The following DNAH11 variants were observed in gnomAD, a reference collection of about 807,000 sequenced individuals.
DNAH11 encodes the protein dynein axonemal heavy chain 11, also known as axonemal beta dynein heavy chain 11.
DNAH11 carries 442 observed loss-of-function variants against 526.0 expected under a neutral mutation model. The ratio of observed to expected loss-of-function variants is 0.84; its 90% CI spans 0.78 to 0.91. The LOEUF is 0.91. Ranked by LOEUF, DNAH11 falls within the 40% of genes least tolerant of loss-of-function variation. The pLI is 0.00. For synonymous variants in DNAH11, 2,461 were observed against 1,935.9 expected, an observed-to-expected ratio of 1.27 and a Z score of -7.12; for missense variants, 6,989 against 5,448.7, an observed-to-expected ratio of 1.28 and a Z score of -8.90.
At chr7:21,621,400 G>A (rs1786047826) in intron 25 of DNAH11, among the ~76,000 whole-genome samples, 1 of 152,084 alleles carries the variant, frequency 6.6e-6, no homozygotes, top group South Asian at 2.1e-4. Flanking sequence ...GGTACAAGGA[G>A]GAACTGGTAC....
At chr7:21,553,161 G>C (rs954660894) in intron 2 of DNAH11, among the ~76,000 whole-genome samples, 5 of 118,640 alleles carry the variant, frequency 4.2e-5, no homozygotes, top group Non-Finnish European at 6.7e-5. Flanking sequence ...CTCCCCTGTT[G>C]CCTTTTCTAA....
chr7:21,643,087 G>T (rs1787195580), intron 28 of DNAH11, among the ~76,000 whole-genome samples: 1 of 152,172 alleles, frequency 6.6e-6, no homozygotes, highest in African/African-American at 2.4e-5. Context: ...AAAACTTAAA[G>T]GTGTATTTGC....
intron 30 of DNAH11, among the ~76,000 whole-genome samples, chr7:21,668,799 G>A (rs1193649656): frequency 2.6e-5 from 4 of 152,114 alleles, no homozygotes; most frequent in African/African-American, 9.7e-5. Flanking sequence ...AAACATTACT[G>A]GATTAAGTCT....
intron 27 of DNAH11, among the ~76,000 whole-genome samples, chr7:21,638,136 A>T (rs1786955633): frequency 6.6e-6 from 1 of 152,188 alleles, no homozygotes; most frequent in South Asian, 2.1e-4. Flanking sequence ...CCCAAGGGCC[A>T]TTTGTAAAGT....
chr7:21,629,810 C>T (rs1786518765), intron 25 of DNAH11, among the ~76,000 whole-genome samples: 1 of 151,886 alleles, frequency 6.6e-6, no homozygotes, highest in Non-Finnish European at 1.5e-5. Context: ...CTGTGTGTGT[C>T]TTTATAGGTG....
chr7:21,553,810 T>C (rs1783113436), intron 2 of DNAH11, among the ~76,000 whole-genome samples: 1 of 152,208 alleles, frequency 6.6e-6, no homozygotes, highest in Non-Finnish European at 1.5e-5. Context: ...ATGAGTTTCA[T>C]TTTTATTTAT....
intron 30 of DNAH11, among the ~76,000 whole-genome samples, chr7:21,662,628 ACTTT>A (rs926543112): frequency 5.9e-5 from 9 of 152,028 alleles, no homozygotes; most frequent in Non-Finnish European, 8.8e-5. Context: ...TTTAAAAGGT[ACTTT>A]CTTAGCACTT....
intron 68 of DNAH11, among the ~76,000 whole-genome samples, chr7:21,860,633 C>T (rs1184473269): frequency 2.0e-5 from 3 of 152,180 alleles, no homozygotes; most frequent in Admixed American, 2.0e-4. Flanking sequence ...ACAAATTTCT[C>T]ATACATGCTG....
At chr7:21,667,129 A>T (rs2128468163) in intron 30 of DNAH11, among the ~76,000 whole-genome samples, 1 of 152,244 alleles carries the variant, frequency 6.6e-6, no homozygotes, top group South Asian at 2.1e-4. Flanking sequence ...ATGGTTAGTG[A>T]TAAGGATTAA....
At chr7:21,728,554 C>G (rs558939710) in intron 45 of DNAH11, among the ~76,000 whole-genome samples, 3 of 152,086 alleles carry the variant, frequency 2.0e-5, no homozygotes, top group African/African-American at 7.2e-5. Context: ...CCGCCACGCC[C>G]GGCCTACCAA....
chr7:21,804,049 G>A lies in DNAH11; in HGVS notation c.10165+2774G>A, dbSNP rs1337114063. On this transcript the variant is annotated intron_variant, in intron 62 of 81. Transcript: ENST00000409508. ...ACGAGGGGGTACGTGTTTCGGGATG[G>A]CTAGGTGATAGCCTCATTTCTTGTA... Among the ~76,000 whole-genome samples the A allele has an allele frequency of 3.3e-5, 5 of 152,230 alleles. No homozygotes were observed. In the East Asian group the frequency reaches 9.7e-4, roughly 30 times the overall value.
chr7:21,556,816 C>T (rs1435936348), intron 2 of DNAH11, among the ~76,000 whole-genome samples: 1 of 152,164 alleles, frequency 6.6e-6, no homozygotes, highest in African/African-American at 2.4e-5. Context: ...AGTCCTACCA[C>T]TTTGGGAGGC....
chr7:21,617,359 G>C (rs1158907696), intron 22 of DNAH11, among the ~76,000 whole-genome samples: 1 of 152,170 alleles, frequency 6.6e-6, no homozygotes, highest in South Asian at 2.1e-4. Flanking sequence ...TTACTTACCT[G>C]TGTTTCCTCA....
At position 21,787,414 on chromosome 7, in the gene DNAH11, TGCAAGCA is replaced by T; in HGVS notation, c.9756_9762del (p.Leu3252PhefsTer2). 6.2e-7 allele frequency: 1 copy of T among 1,605,112 alleles called. No homozygotes were observed. The highest frequency in any genetic ancestry group is 1.1e-5 in the South Asian group (1 of 88,620). On this transcript the variant is annotated frameshift_variant, in exon 60 of 82. Transcript: ENST00000409508. LOFTEE classifies it high-confidence loss of function. ...TTTGCTTTGCAGGTTGATGATTTTTTGCAAGCATTAATTAACTATGACAAAGAGCACA... is the reference window on the plus strand; with the variant it reads ...TTTGCTTTGCAGGTTGATGATTTTTTTTAATTAACTATGACAAAGAGCACA...
At chr7:21,748,158 C>G (rs1231051709) in intron 51 of DNAH11, among the ~76,000 whole-genome samples, 3 of 21,170 alleles carry the variant, frequency 1.4e-4, no homozygotes, top group Middle Eastern at 0.02. Flanking sequence ...GGAATTTAGT[C>G]TCTCACTATA....
At chr7:21,554,242 T>C (rs1158920040) in intron 2 of DNAH11, among the ~76,000 whole-genome samples, 2 of 151,108 alleles carry the variant, frequency 1.3e-5, no homozygotes, top group Admixed American at 1.3e-4. Flanking sequence ...GGTGCAATCT[T>C]GGCTCACTGC....
rs201180532 is a variant in DNAH11 at position 21,744,871 on chromosome 7, G to T, written c.8318G>T (p.Gly2773Val). 2.5e-6 allele frequency: 4 copies of T among 1,607,290 alleles called. No individual in the cohort carries two copies. Among genetic ancestry groups the T allele is most frequent in the Non-Finnish European group, 3.4e-6 (4 of 1,176,844 alleles). Reference sequence around the variant, plus strand: ...ATTTTTCTCTTTCTCATCCTGCAGGGTATAGATAGTCACATGCTGCTTCAA... The same window carrying T: ...ATTTTTCTCTTTCTCATCCTGCAGGTTATAGATAGTCACATGCTGCTTCAA... ...MLETAYKYFE[G>V]IDSHMLLQQP... Residue 2773 changes from glycine to valine, a missense_variant and splice_region_variant, in exon 51 of 82, where the codon GGT (glycine) becomes GTT (valine). Transcript: ENST00000409508.
chr7:21,707,656 A>G (rs1336336013), intron 39 of DNAH11, 43 bp from the exon 40 acceptor site: 1 of 1,595,572 alleles, frequency 6.3e-7, no homozygotes, highest in Admixed American at 1.8e-5. Flanking sequence ...CATTTGGCTT[A>G]TGTTAGTATT....
chr7:21,799,357 G>C lies in DNAH11; in HGVS notation c.10027-1780G>C, dbSNP rs553404367. 2.7e-5 allele frequency among the ~76,000 whole-genome samples: 4 copies of C among 150,526 alleles called. No individual in the cohort carries two copies. The South Asian group carries it at 8.4e-4, about 32-fold the overall frequency. ...AATCTTATTTCTTTTTTTTTTTTAA[G>C]ACGGAGTCTTGCTCTTGTTTCCCAG... is the stretch of plus-strand genomic sequence containing the variant. On this transcript the variant is annotated intron_variant, in intron 61 of 81. Coordinates refer to ENST00000409508, the MANE Select transcript of DNAH11 (RefSeq NM_001277115.2).
Sources: allele counts gnomAD v4.1 joint callset (sites outside exome capture counted in the v4.1 genomes callset), GRCh38; gene constraint gnomAD v4.1.1; transcripts MANE v1.5; gene names NCBI Gene and HGNC (gene_info 2026-07-23, HGNC 2026-07-21).